Variants in CBX5 observed in about 807,000 individuals in gnomAD.
The protein encoded by CBX5 is chromobox protein homolog 5.
CBX5 carries 7 observed loss-of-function variants against 20.7 expected under a neutral mutation model. That is an observed-to-expected ratio of 0.34 (90% CI 0.19 to 0.63). CBX5 has a LOEUF of 0.63. CBX5 is among the 30% of genes least tolerant of loss of function. The pLI is 0.75. For synonymous variants in CBX5, 78 were observed against 77.0 expected, an observed-to-expected ratio of 1.01 and a Z score of -0.07; for missense variants, 110 against 224.1, an observed-to-expected ratio of 0.49 and a Z score of 3.25.
At chr12:54,269,816 C>G (rs1943992911) in intron 1 of CBX5, among the ~76,000 whole-genome samples, 3 of 152,154 alleles carry the variant, frequency 2.0e-5, no homozygotes, top group Admixed American at 2.0e-4. Flanking sequence ...GTTTCCTGGG[C>G]TGGTCTTGAA....
intron 1 of CBX5, chr12:54,276,773 T>C (rs1038422704): frequency 3.3e-5 from 5 of 152,152 alleles, no homozygotes; most frequent in African/African-American, 1.2e-4. Context: ...AATATCAGAG[T>C]ACTCTGCACG....
intron 3 of CBX5, among the ~76,000 whole-genome samples, chr12:54,248,838 G>A (rs1199083862): frequency 6.6e-6 from 1 of 152,200 alleles, no homozygotes; most frequent in Non-Finnish European, 1.5e-5. Flanking sequence ...GTGGTCTTAA[G>A]AAATAAACAC....
chr12:54,257,762 G>A (rs1943876431), intron 1 of CBX5, 70 bp from the exon 2 acceptor site: 2 of 1,145,582 alleles, frequency 1.7e-6, no homozygotes, highest in Non-Finnish European at 2.5e-6. Context: ...TTCTTGATGG[G>A]ATGAAAAGGG....
At chr12:54,273,427 A>C (rs1944029232) in intron 1 of CBX5, 1 of 152,218 alleles carries the variant, frequency 6.6e-6, no homozygotes, top group African/African-American at 2.4e-5. Context: ...TGGGTGACAA[A>C]GCGAGACTCT....
intron 4 of CBX5, among the ~76,000 whole-genome samples, chr12:54,245,064 T>G (rs540346147): frequency 6.6e-6 from 1 of 151,758 alleles, no homozygotes; most frequent in East Asian, 1.9e-4. Flanking sequence ...CAGGCAGGAG[T>G]GCAGAGGCTC....
Position 54,232,790 on chromosome 12 carries a change from C to T in CBX5, c.*8965G>A, listed in dbSNP as rs1204520547. The T allele has an allele frequency of 1.3e-5, 2 of 152,006 alleles. No homozygotes were observed. Among genetic ancestry groups the T allele is most frequent in the Non-Finnish European group, 2.9e-5 (2 of 68,000 alleles). The allele number at this position is 152,006 out of a possible 1,614,324, so 9.4% of individuals were successfully genotyped here. ...TATAGATGTTTTGAAAATAAAATTA[C>T]ATCTTTAACATTAAGGACATGAATT... is the stretch of plus-strand genomic sequence containing the variant. On this transcript the variant is annotated 3_prime_UTR_variant, in exon 5 of 5. Coordinates refer to ENST00000209875, the MANE Select transcript of CBX5 (RefSeq NM_012117.3).
intron 1 of CBX5, among the ~76,000 whole-genome samples, chr12:54,258,992 G>C (rs1323513911): frequency 6.6e-6 from 1 of 152,104 alleles, no homozygotes; most frequent in Non-Finnish European, 1.5e-5. Context: ...CATATCTCCA[G>C]AACTTATTAG....
At chr12:54,271,836 T>C (rs1944013394) in intron 1 of CBX5, 1 of 152,344 alleles carries the variant, frequency 6.6e-6, no homozygotes, top group Admixed American at 6.5e-5. Context: ...TGTTTAATAA[T>C]CAAGGAAGTT....
intron 1 of CBX5, among the ~76,000 whole-genome samples, chr12:54,279,665 C>G (rs1204448968): frequency 6.6e-6 from 1 of 152,132 alleles, no homozygotes; most frequent in Admixed American, 6.5e-5. Flanking sequence ...CCTGGAGAAG[C>G]CCAACCTACC....
intron 1 of CBX5, among the ~76,000 whole-genome samples, chr12:54,266,895 AG>A: frequency 6.6e-6 from 1 of 152,244 alleles, no homozygotes; most frequent in East Asian, 1.9e-4. Flanking sequence ...ATTAAAAAAA[AG>A]TATCAGTTTT....
chr12:54,263,033 A>G (rs1300345395), intron 1 of CBX5: 2 of 152,386 alleles, frequency 1.3e-5, no homozygotes, highest in East Asian at 1.9e-4. Flanking sequence ...AAAGCTACCA[A>G]TAACTATAGA....
chr12:54,260,825 T>C (rs1386957414), intron 1 of CBX5, among the ~76,000 whole-genome samples: 1 of 152,112 alleles, frequency 6.6e-6, no homozygotes, highest in African/African-American at 2.4e-5. Context: ...TACTCTGCTT[T>C]ATAGATGTGG....
intron 1 of CBX5, among the ~76,000 whole-genome samples, chr12:54,275,897 G>A (rs1373609684): frequency 2.0e-5 from 3 of 150,320 alleles, no homozygotes; most frequent in Admixed American, 1.3e-4. Context: ...GGCTGGAGCA[G>A]GAGAATTGCT....
In CBX5 at chr12:54,237,212, C is replaced by T. The variant is rs1943631874; in HGVS notation, c.*4543G>A. 6.6e-6 allele frequency: 1 copy of T among 152,092 alleles called. No individual in the cohort carries two copies. The highest frequency in any genetic ancestry group is 1.5e-5 in the Non-Finnish European group (1 of 68,034). 9.4% of individuals were successfully genotyped at this position (152,092 alleles called of 1,614,324 possible). A position where few individuals can be genotyped will look rare whatever the true frequency, so the allele number is the denominator to read the frequency against. On this transcript the variant is annotated 3_prime_UTR_variant, in exon 5 of 5. Transcript: ENST00000209875. ...TATTCTGTCTATAATGAGAATATAT[C>T]AATAGCAGGAAATCTACTTTCACAC...
Position 54,235,687 on chromosome 12 carries a change from C to T in CBX5, c.*6068G>A, listed in dbSNP as rs1358323947. On this transcript the variant is annotated 3_prime_UTR_variant, in exon 5 of 5. Transcript: ENST00000209875. ...CTCAGAGTAGATGCTCAGGTATTAA[C>T]AGATGTGCTCCAAGACTTCTCTTTA... 1 of 152,226 alleles carries T rather than the reference C, an allele frequency of 6.6e-6. No individual in the cohort carries two copies. Among genetic ancestry groups the T allele is most frequent in the Admixed American group, 6.5e-5 (1 of 15,284 alleles). 9.4% of individuals were successfully genotyped at this position (152,226 alleles called of 1,614,324 possible).
At chr12:54,260,926 C>T (rs1277778775) in intron 1 of CBX5, among the ~76,000 whole-genome samples, 2 of 152,020 alleles carry the variant, frequency 1.3e-5, no homozygotes, top group African/African-American at 2.4e-5. Context: ...AACAGTGGCT[C>T]ACACCTGTAA....
intron 4 of CBX5, among the ~76,000 whole-genome samples, chr12:54,244,550 C>G (rs910843442): frequency 4.0e-5 from 6 of 151,800 alleles, no homozygotes; most frequent in Admixed American, 3.9e-4. Flanking sequence ...CCAGCCTGAC[C>G]AACATGGCAA....
intron 1 of CBX5, among the ~76,000 whole-genome samples, chr12:54,266,304 A>G (rs1312311776): frequency 1.3e-5 from 2 of 152,046 alleles, no homozygotes; most frequent in African/African-American, 4.8e-5. Context: ...AGGCTGAGGC[A>G]GGAGAATTGC....
intron 1 of CBX5, among the ~76,000 whole-genome samples, chr12:54,276,143 T>C (rs543675386): frequency 8.8e-4 from 134 of 152,292 alleles, no homozygotes; most frequent in Non-Finnish European, 1.7e-3. Flanking sequence ...TTGGCTCCTA[T>C]AATCTTTCAA....
Sources: gnomAD v4.1 joint callset for allele counts (sites outside exome capture counted in the v4.1 genomes callset) on GRCh38, gnomAD v4.1.1 for gene constraint, MANE v1.5 for transcripts, NCBI Gene and HGNC (gene_info 2026-07-23, HGNC 2026-07-21) for gene names.